XYLT1: variants seen among roughly 807,000 people sequenced by gnomAD.
XYLT1 encodes xylosyltransferase 1, also known as beta-D-xylosyltransferase 1.
Under a neutral mutation model 91.3 loss-of-function variants are expected in XYLT1, and 36 were observed. The ratio of observed to expected loss-of-function variants is 0.39; its 90% CI spans 0.30 to 0.52. The LOEUF is 0.52. Among genes scored for constraint, XYLT1 ranks in the 20% least tolerant of loss-of-function variants. The pLI, the probability that XYLT1 is intolerant of heterozygous loss-of-function variation, is 0.68. For missense variants in XYLT1, 1,242 were observed against 1,284.5 expected, an observed-to-expected ratio of 0.97 and a Z score of 0.51; for synonymous variants, 588 against 532.0, an observed-to-expected ratio of 1.11 and a Z score of -1.45.
In XYLT1 at chr16:17,106,991, G is replaced by A. The variant is rs551611999; in HGVS notation, c.*1704C>T. ...GAGAGAGAGAGACACCAGGGGGTGG[G>A]AAAAGATGGGAAAAGGGGCCTTTTG... On this transcript the variant is annotated 3_prime_UTR_variant, in exon 12 of 12. Transcript: ENST00000261381. 7 of 152,188 alleles carry A rather than the reference G, an allele frequency of 4.6e-5. No individual in the cohort carries two copies. Among genetic ancestry groups the A allele is most frequent in the African/African-American group, 1.7e-4 (7 of 41,512 alleles). 9.4% of individuals were successfully genotyped at this position (152,188 alleles called of 1,614,324 possible).
chr16:17,354,611 T>A (rs771008405), intron 2 of XYLT1: 4 of 152,248 alleles, frequency 2.6e-5, no homozygotes, highest in Non-Finnish European at 5.9e-5. Flanking sequence ...GGGCTCAAGA[T>A]GGAGCAGGCG....
chr16:17,173,294 T>G (rs1391614876), intron 5 of XYLT1, among the ~76,000 whole-genome samples: 2 of 152,232 alleles, frequency 1.3e-5, no homozygotes, highest in Non-Finnish European at 2.9e-5. Flanking sequence ...TCAGCAAACA[T>G]TTATGTTACA....
chr16:17,168,695 T>C lies in XYLT1; in HGVS notation c.1290-9786A>G, dbSNP rs549099526. On this transcript the variant is annotated intron_variant, in intron 5 of 11. Transcript: ENST00000261381. The stretch of plus-strand genomic sequence containing the variant: ...GTATGAAAAATGCTAAAGAGTATGT[T>C]TTCCTGGACTCCACAGGCATAATTC... Among the ~76,000 whole-genome samples, 226 of 152,280 alleles carry C rather than the reference T, an allele frequency of 1.5e-3. 1 individual carries two copies. Among genetic ancestry groups the C allele is most frequent in the African/African-American group, 5.1e-3 (210 of 41,554 alleles).
intron 4 of XYLT1, among the ~76,000 whole-genome samples, chr16:17,199,228 T>TC (rs2032487892): frequency 6.6e-6 from 1 of 152,142 alleles, no homozygotes; most frequent in African/African-American, 2.4e-5. Flanking sequence ...GGACAAGACT[T>TC]CCCCCTTTGC....
At chr16:17,378,376 A>G (rs8052165) in intron 1 of XYLT1, among the ~76,000 whole-genome samples, 43,491 of 151,970 alleles carry the variant, frequency 0.29, 6,692 homozygotes, top group Non-Finnish European at 0.36. Context: ...GATTATGTCT[A>G]TTGGGCTTAC....
intron 2 of XYLT1, among the ~76,000 whole-genome samples, chr16:17,295,356 T>G (rs1357298071): frequency 6.6e-6 from 1 of 152,028 alleles, no homozygotes. Flanking sequence ...TGTTTTGTTT[T>G]GTTTTGTTTT....
At chr16:17,286,922 G>A (rs188490406) in intron 2 of XYLT1, among the ~76,000 whole-genome samples, 188 of 152,160 alleles carry the variant, frequency 1.2e-3, no homozygotes, top group African/African-American at 3.6e-3. Flanking sequence ...ATTCTGTTCA[G>A]GTGTTTGGGG....
intron 3 of XYLT1, among the ~76,000 whole-genome samples, chr16:17,235,728 GT>G (rs2033237278): frequency 6.6e-6 from 1 of 152,182 alleles, no homozygotes; most frequent in African/African-American, 2.4e-5. Flanking sequence ...GCCTGCATCT[GT>G]TTACAGAAAA....
chr16:17,424,674 C>T (rs1229135917), intron 1 of XYLT1, among the ~76,000 whole-genome samples: 3 of 151,992 alleles, frequency 2.0e-5, no homozygotes, highest in Admixed American at 6.6e-5. Flanking sequence ...TACAGACCAT[C>T]CTGGTCAACA....
At chr16:17,178,733 A>G (rs1597172065) in intron 5 of XYLT1, among the ~76,000 whole-genome samples, 2 of 152,192 alleles carry the variant, frequency 1.3e-5, no homozygotes, top group East Asian at 1.9e-4. Context: ...AGAGACATAT[A>G]TGTACCACAA....
chr16:17,196,715 T>C (rs2032432733), intron 5 of XYLT1, among the ~76,000 whole-genome samples: 1 of 152,112 alleles, frequency 6.6e-6, no homozygotes, highest in African/African-American at 2.4e-5. Context: ...CACTTTCCTT[T>C]TCACCCTTGT....
chr16:17,394,677 G>A (rs542227279), intron 1 of XYLT1, among the ~76,000 whole-genome samples: 8 of 152,196 alleles, frequency 5.3e-5, no homozygotes, highest in African/African-American at 1.7e-4. Flanking sequence ...GAGCTAGACC[G>A]CCTGGGTTTG....
At chr16:17,301,479 A>C (rs1276267749) in intron 2 of XYLT1, among the ~76,000 whole-genome samples, 3 of 152,110 alleles carry the variant, frequency 2.0e-5, no homozygotes, top group Non-Finnish European at 4.4e-5. Flanking sequence ...TATCTGATAA[A>C]ATCTTTTCCC....
At chr16:17,124,446 T>TC (rs2030187274) in intron 10 of XYLT1, among the ~76,000 whole-genome samples, 1 of 152,204 alleles carries the variant, frequency 6.6e-6, no homozygotes, top group Admixed American at 6.5e-5. Flanking sequence ...GACAGGACCC[T>TC]TCTGGCTTGT....
chr16:17,282,418 T>A (rs1359303151), intron 2 of XYLT1, among the ~76,000 whole-genome samples: 2 of 152,172 alleles, frequency 1.3e-5, no homozygotes, highest in Admixed American at 6.5e-5. Context: ...AGGAAAAGCA[T>A]TTTTAGAAAT....
intron 3 of XYLT1, among the ~76,000 whole-genome samples, chr16:17,219,728 G>A (rs571229177): frequency 6.6e-6 from 1 of 152,228 alleles, no homozygotes; most frequent in East Asian, 1.9e-4. Context: ...TGCAACCTCT[G>A]CCTCTGGGTT....
At chr16:17,451,146 T>C (rs1179974191) in intron 1 of XYLT1, among the ~76,000 whole-genome samples, 1 of 152,200 alleles carries the variant, frequency 6.6e-6, no homozygotes, top group Non-Finnish European at 1.5e-5. Flanking sequence ...TCTTGCAATT[T>C]CTAAACCAGT....
intron 1 of XYLT1, among the ~76,000 whole-genome samples, chr16:17,438,988 T>C (rs946482664): frequency 6.6e-6 from 1 of 152,192 alleles, no homozygotes; most frequent in Non-Finnish European, 1.5e-5. Flanking sequence ...TACACCTCCA[T>C]GTCTGTTTTC....
chr16:17,420,177 A>G (rs2036234010), intron 1 of XYLT1, among the ~76,000 whole-genome samples: 1 of 152,216 alleles, frequency 6.6e-6, no homozygotes, highest in South Asian at 2.1e-4. Context: ...TATAAGCCAC[A>G]AGTGCCCAAA....
Sources: gnomAD v4.1 joint callset for allele counts (sites outside exome capture counted in the v4.1 genomes callset) on GRCh38, gnomAD v4.1.1 for gene constraint, MANE v1.5 for transcripts, NCBI Gene and HGNC (gene_info 2026-07-23, HGNC 2026-07-21) for gene names.